CNTN4: variants seen among roughly 807,000 people sequenced by gnomAD.
CNTN4 encodes the protein contactin-4.
A neutral mutation model predicts 122.5 loss-of-function variants in CNTN4; 77 were observed. That is an observed-to-expected ratio of 0.63 (90% CI 0.52 to 0.76). The LOEUF is 0.76. CNTN4 is among the 30% of genes least tolerant of loss of function. CNTN4 has a pLI of 0.00. For missense variants in CNTN4, 1,256 were observed against 1,259.1 expected, an observed-to-expected ratio of 1.00 and a Z score of 0.04; for synonymous variants, 512 against 447.0, an observed-to-expected ratio of 1.15 and a Z score of -1.83.
intron 4 of CNTN4, among the ~76,000 whole-genome samples, chr3:2,576,468 T>G (rs1383868482): frequency 6.6e-6 from 1 of 152,194 alleles, no homozygotes; most frequent in South Asian, 2.1e-4. Flanking sequence ...TTAAAATTGG[T>G]CTGTGTGCCT....
chr3:2,618,262 A>G lies in CNTN4; in HGVS notation c.55+46704A>G, dbSNP rs553548206. Among the ~76,000 whole-genome samples, 158 of 152,186 alleles carry G rather than the reference A, an allele frequency of 1.0e-3. 1 individual carries two copies. The highest frequency in any genetic ancestry group is 2.9e-3 in the African/African-American group (120 of 41,494). On this transcript the variant is annotated intron_variant, in intron 4 of 24. Coordinates refer to ENST00000418658, the MANE Select transcript of CNTN4 (RefSeq NM_175607.3). ...ATGTGGGTATATATATATATGGAAT[A>G]TGCATGTATATGTGTATAAATAATA...
At chr3:2,982,997 G>A (rs1043717433) in intron 13 of CNTN4, among the ~76,000 whole-genome samples, 6 of 151,708 alleles carry the variant, frequency 4.0e-5, no homozygotes, top group African/African-American at 1.2e-4. Flanking sequence ...GGCGGATCAC[G>A]AGGTCAGGAG....
intron 7 of CNTN4, among the ~76,000 whole-genome samples, chr3:2,839,792 A>G (rs1343164857): frequency 6.6e-6 from 1 of 152,210 alleles, no homozygotes; most frequent in Non-Finnish European, 1.5e-5. Flanking sequence ...TACACTTGAC[A>G]TCTCATTCAC....
At chr3:2,665,241 A>G (rs1235416520) in intron 4 of CNTN4, among the ~76,000 whole-genome samples, 1 of 152,190 alleles carries the variant, frequency 6.6e-6, no homozygotes, top group Non-Finnish European at 1.5e-5. Context: ...TAACCAGGCT[A>G]TACAGAATTT....
intron 6 of CNTN4, among the ~76,000 whole-genome samples, chr3:2,785,146 TAGAGAGAG>T (rs111372866): frequency 2.0e-5 from 3 of 150,920 alleles, no homozygotes; most frequent in East Asian, 2.0e-4. Flanking sequence ...CACATATATA[TAGAGAGAG>T]AGAGAGAGAG....
chr3:2,996,903 C>G (rs1055203859), intron 14 of CNTN4, among the ~76,000 whole-genome samples: 2 of 152,190 alleles, frequency 1.3e-5, no homozygotes, highest in Non-Finnish European at 2.9e-5. Context: ...CACTTCTGAA[C>G]TCATCCTCAG....
At chr3:2,796,630 A>G (rs2092191894) in intron 6 of CNTN4, among the ~76,000 whole-genome samples, 1 of 152,236 alleles carries the variant, frequency 6.6e-6, no homozygotes, top group Admixed American at 6.5e-5. Flanking sequence ...GTTATGAATA[A>G]AGATGAATAC....
At chr3:2,592,046 T>C (rs1028643800) in intron 4 of CNTN4, among the ~76,000 whole-genome samples, 1 of 151,954 alleles carries the variant, frequency 6.6e-6, no homozygotes, top group East Asian at 1.9e-4. Context: ...ACCTGGCTAG[T>C]TTTTTAAAAT....
At chr3:2,397,307 A>AT (rs886450699) in intron 3 of CNTN4, among the ~76,000 whole-genome samples, 7 of 152,090 alleles carry the variant, frequency 4.6e-5, no homozygotes, top group African/African-American at 1.7e-4. Context: ...AAACGTATTA[A>AT]TTTTTTGTTT....
intron 6 of CNTN4, among the ~76,000 whole-genome samples, chr3:2,804,774 G>C (rs2092426360): frequency 6.6e-6 from 1 of 151,296 alleles, no homozygotes; most frequent in South Asian, 2.1e-4. Context: ...TGTTACCCAG[G>C]CTGGTTGCAA....
intron 2 of CNTN4, among the ~76,000 whole-genome samples, chr3:2,285,452 A>T (rs1253736230): frequency 6.6e-6 from 1 of 152,108 alleles, no homozygotes; most frequent in Non-Finnish European, 1.5e-5. Flanking sequence ...GCATTGGAGC[A>T]TTGGGATACC....
In CNTN4 at chr3:2,976,673, T is replaced by C. The variant is rs558724121; in HGVS notation, c.1359-11672T>C. ...CTTCTAGAGGTCTCAATTGACTCTT[T>C]GTAAATTGCAATTACCACAAAACAA... On this transcript the variant is annotated intron_variant, in intron 13 of 24. Coordinates refer to ENST00000418658, the MANE Select transcript of CNTN4 (RefSeq NM_175607.3). Among the ~76,000 whole-genome samples the C allele has an allele frequency of 1.2e-4, 18 of 152,370 alleles. No individual in the cohort carries two copies. In the South Asian group the frequency reaches 1.2e-3, roughly 11 times the overall value.
At chr3:2,747,387 C>G (rs535911644) in intron 6 of CNTN4, among the ~76,000 whole-genome samples, 1 of 149,896 alleles carries the variant, frequency 6.7e-6, no homozygotes, top group Non-Finnish European at 1.5e-5. Context: ...CCAGCCTGGG[C>G]GACAGAGCGA....
At chr3:2,537,038 T>C (rs768457350) in intron 3 of CNTN4, among the ~76,000 whole-genome samples, 5 of 152,156 alleles carry the variant, frequency 3.3e-5, no homozygotes, top group Non-Finnish European at 5.9e-5. Flanking sequence ...TGGAATTGAA[T>C]CTTAACCCAC....
chr3:2,184,734 A>G (rs747222189), intron 2 of CNTN4, among the ~76,000 whole-genome samples: 28 of 152,188 alleles, frequency 1.8e-4, no homozygotes, highest in Non-Finnish European at 3.4e-4. Flanking sequence ...ATGCAGCAAC[A>G]GGGCACCATC....
intron 2 of CNTN4, among the ~76,000 whole-genome samples, chr3:2,286,079 T>G (rs2041888951): frequency 1.3e-5 from 2 of 151,552 alleles, no homozygotes; most frequent in South Asian, 4.2e-4. Flanking sequence ...ACATCCTTGC[T>G]GACTTTGGGT....
chr3:2,348,642 T>C (rs985023642), intron 3 of CNTN4, among the ~76,000 whole-genome samples: 1 of 152,160 alleles, frequency 6.6e-6, no homozygotes, highest in Non-Finnish European at 1.5e-5. Flanking sequence ...ATTATTTTTC[T>C]GTGCCTTTAG....
At chr3:2,394,788 T>G (rs925619819) in intron 3 of CNTN4, among the ~76,000 whole-genome samples, 4 of 143,618 alleles carry the variant, frequency 2.8e-5, no homozygotes, top group African/African-American at 7.8e-5. Context: ...ATATTAGTTT[T>G]TTTTTTTTTT....
intron 6 of CNTN4, among the ~76,000 whole-genome samples, chr3:2,762,704 G>T (rs906667872): frequency 6.6e-6 from 1 of 152,150 alleles, no homozygotes; most frequent in Non-Finnish European, 1.5e-5. Context: ...TAATGGGAAT[G>T]CTGGGTCGAA....
Sources: gnomAD v4.1 joint callset for allele counts (sites outside exome capture counted in the v4.1 genomes callset) on GRCh38, gnomAD v4.1.1 for gene constraint, MANE v1.5 for transcripts, NCBI Gene and HGNC (gene_info 2026-07-23, HGNC 2026-07-21) for gene names.